The following ERCC6 variants were observed in gnomAD, a reference collection of about 807,000 sequenced individuals.
ERCC6 encodes the protein DNA excision repair protein ERCC-6.
A neutral mutation model predicts 158.7 loss-of-function variants in ERCC6; 116 were observed. The observed-to-expected ratio is 0.73, with a 90% confidence interval of 0.63 to 0.85. ERCC6 has a LOEUF of 0.85. Among genes scored for constraint, ERCC6 ranks in the 40% least tolerant of loss-of-function variants. ERCC6 has a pLI of 0.00. For synonymous variants in ERCC6, 678 were observed against 659.3 expected (o/e 1.03, Z -0.43); for missense variants, 1,698 against 1,799.4 (o/e 0.94, Z 1.02).
chr10:49,533,404 A>G (rs1366234009), intron 1 of ERCC6, among the ~76,000 whole-genome samples: 2 of 152,238 alleles, frequency 1.3e-5, no homozygotes, highest in Non-Finnish European at 2.9e-5. Flanking sequence ...ATGTTAGGAA[A>G]GAGCTTCTGT....
At chr10:49,534,339 A>C (rs1837546825) in intron 1 of ERCC6, among the ~76,000 whole-genome samples, 1 of 152,242 alleles carries the variant, frequency 6.6e-6, no homozygotes, top group Non-Finnish European at 1.5e-5. Context: ...ATTAAATTAA[A>C]GGCACATGAC....
chr10:49,478,568 G>T (rs1011855645), intron 10 of ERCC6, 98 bp from the exon 11 acceptor site: 1 of 765,168 alleles, frequency 1.3e-6, no homozygotes, highest in Non-Finnish European at 2.3e-6. Flanking sequence ...AAAAAAAAAA[G>T]AATAACCAAC....
rs766226106 is a variant in ERCC6 at position 49,470,898 on chromosome 10, A to G, written c.3071-9T>C. The G allele has an allele frequency of 6.2e-7, 1 of 1,613,680 alleles. No individual in the cohort carries two copies. The highest frequency in any genetic ancestry group is 1.7e-5 in the Admixed American group (1 of 59,990). On this transcript the variant is annotated splice_polypyrimidine_tract_variant and intron_variant, in intron 17 of 20. Coordinates refer to ENST00000355832, the MANE Select transcript of ERCC6 (RefSeq NM_000124.4). Reference sequence around the variant, plus strand: ...AACATCTGATCCAGTTCCTGTAAAGAGGAAAAACACCACTAATACTATATT... The same window carrying G: ...AACATCTGATCCAGTTCCTGTAAAGGGGAAAAACACCACTAATACTATATT...
chr10:49,465,109 C>T (rs773516420), intron 18 of ERCC6, among the ~76,000 whole-genome samples: 4 of 152,226 alleles, frequency 2.6e-5, no homozygotes, highest in Non-Finnish European at 4.4e-5. Flanking sequence ...AGGAGGGGGG[C>T]TATACCCTGC....
At chr10:49,460,306 G>A (rs1850554552) in intron 20 of ERCC6, 67 bp downstream of exon 20, 4 of 1,125,444 alleles carry the variant, frequency 3.6e-6, no homozygotes, top group Non-Finnish European at 1.4e-6. Flanking sequence ...CCAGAATCAG[G>A]TGAAATTTTC....
At chr10:49,503,794 T>C (rs143334264) in intron 6 of ERCC6, 161 of 152,288 alleles carry the variant, frequency 1.1e-3, no homozygotes, top group African/African-American at 3.5e-3. Flanking sequence ...CAGTTAAAGA[T>C]TTTTATGAAT....
chr10:49,465,400 T>C (rs1850657124), intron 18 of ERCC6, among the ~76,000 whole-genome samples: 1 of 152,250 alleles, frequency 6.6e-6, no homozygotes, highest in Admixed American at 6.5e-5. Context: ...GAGACTTGCC[T>C]GGTCTTGGAT....
downstream of ERCC6, among the ~76,000 whole-genome samples, chr10:49,451,709 A>AT (rs1850421918): frequency 6.6e-6 from 1 of 152,160 alleles, no homozygotes; most frequent in African/African-American, 2.4e-5. Flanking sequence ...CATAAGACAT[A>AT]TTGGTCTGCA....
chr10:49,495,162 C>T (rs1251074109), intron 7 of ERCC6, among the ~76,000 whole-genome samples: 2 of 152,116 alleles, frequency 1.3e-5, no homozygotes, highest in Non-Finnish European at 2.9e-5. Flanking sequence ...TTACTGTAGC[C>T]CATTAACCTT....
At chr10:49,461,964 A>AT (rs1850591136) in intron 18 of ERCC6, among the ~76,000 whole-genome samples, 2 of 152,244 alleles carry the variant, frequency 1.3e-5, no homozygotes, top group South Asian at 4.1e-4. Context: ...GAATGACTCA[A>AT]TAACCATTTT....
chr10:49,523,231 C>T (rs1837218400), intron 5 of ERCC6, among the ~76,000 whole-genome samples: 1 of 152,130 alleles, frequency 6.6e-6, no homozygotes, highest in African/African-American at 2.4e-5. Context: ...AGCTCTAAGT[C>T]AAGGAGACTT....
Position 49,524,247 on chromosome 10 carries a change from G to A in ERCC6, c.1183C>T (p.Leu395=), listed in dbSNP as rs767647833. ...TCATAGTCAGTACCATCTCCAGACA[G>A]GTCCGCCTCTGCCCCCTCCACCTCG... The part of the protein sequence containing the change: ...DDEVEGAEAD[L]SGDGTDYELK... The change falls in exon 5 of 21, where the codon CTG becomes TTG. Residue 395 remains leucine, a synonymous_variant. Coordinates refer to ENST00000355832, the MANE Select transcript of ERCC6 (RefSeq NM_000124.4). 6.2e-7 allele frequency: 1 copy of A among 1,614,064 alleles called. No individual in the cohort carries two copies.
intron 7 of ERCC6, among the ~76,000 whole-genome samples, chr10:49,496,900 C>A (rs946538089): frequency 2.0e-5 from 3 of 152,214 alleles, no homozygotes; most frequent in Non-Finnish European, 4.4e-5. Flanking sequence ...TCATCTACTA[C>A]ACAACTGAAA....
chr10:49,455,096 T>C lies in ERCC6; in HGVS notation c.*3719A>G, dbSNP rs1417355650. On this transcript the variant is annotated 3_prime_UTR_variant, in exon 21 of 21. Coordinates refer to ENST00000355832, the MANE Select transcript of ERCC6 (RefSeq NM_000124.4). ...TTTTAAAACTTCCGTATGATAAACA[T>C]CACAAAATAGATATGTGAATATGCT... Among the ~76,000 whole-genome samples the C allele has an allele frequency of 6.6e-6, 1 of 152,074 alleles. No homozygotes were observed. The highest frequency in any genetic ancestry group is 1.5e-5 in the Non-Finnish European group (1 of 68,012).
rs925891924 is a variant in ERCC6 at position 49,460,366 on chromosome 10, A to G, written c.4062+7T>C. ...ACCCTGGAAAGCAAAAAGGTTATCT[A>G]TATTACCTGGCACTTCTCTGTTGGA... On this transcript the variant is annotated splice_region_variant and intron_variant, in intron 20 of 20. Coordinates refer to ENST00000355832, the MANE Select transcript of ERCC6 (RefSeq NM_000124.4). 12 of 1,603,778 alleles carry G rather than the reference A, an allele frequency of 7.5e-6. No homozygotes were observed. The highest frequency in any genetic ancestry group is 2.2e-5 in the East Asian group (1 of 44,854).
Position 49,472,277 on chromosome 10 carries a change from T to C in ERCC6, c.2924+99A>G. 6.7e-6 allele frequency: 7 copies of C among 1,041,384 alleles called. No individual in the cohort carries two copies. The South Asian group carries it at 8.8e-5, about 13-fold the overall frequency. The allele number at this position is 1,041,384 out of a possible 1,614,324, so 64.5% of individuals were successfully genotyped here. A position where few individuals can be genotyped will look rare whatever the true frequency, so the allele number is the denominator to read the frequency against. On this transcript the variant is annotated intron_variant, in intron 16 of 20. Coordinates refer to ENST00000355832, the MANE Select transcript of ERCC6 (RefSeq NM_000124.4). ...AAGCCTTAAGTTATAGCAACTATTA[T>C]TCTAAGATGTTAAGACTTTTAAAAA...
chr10:49,485,079 C>T (rs191491251), intron 8 of ERCC6, among the ~76,000 whole-genome samples: 1 of 152,290 alleles, frequency 6.6e-6, no homozygotes, highest in Admixed American at 6.5e-5. Context: ...GTGGTGCAGT[C>T]GTGGACAAAG....
At chr10:49,512,049 A>C (rs1433695750) in intron 5 of ERCC6, among the ~76,000 whole-genome samples, 1 of 152,226 alleles carries the variant, frequency 6.6e-6, no homozygotes, top group African/African-American at 2.4e-5. Context: ...CAGATTACAC[A>C]AAAAGATTGA....
At position 49,471,087 on chromosome 10, in the gene ERCC6, C is replaced by T. The variant is rs369441175; in HGVS notation, c.2958G>A (p.Val986=). 13 of 1,613,952 alleles carry T rather than the reference C, an allele frequency of 8.1e-6. No homozygotes were observed. In the African/African-American group the frequency reaches 1.6e-4, roughly 20 times the overall value. ...QIFKQFLTNR[V]LKDPKQRRFF... The stretch of plus-strand genomic sequence containing the variant: ...ACCGCCTTTGTTTTGGGTCTTTTAG[C>T]ACTCTATTTGTCAAAAACTGCTTGA... Residue 986 remains valine (V), a synonymous_variant, in exon 17 of 21, where the codon GTG becomes GTA. Coordinates refer to ENST00000355832, the MANE Select transcript of ERCC6 (RefSeq NM_000124.4).
Sources: gnomAD v4.1 joint callset for allele counts (sites outside exome capture counted in the v4.1 genomes callset) on GRCh38, gnomAD v4.1.1 for gene constraint, MANE v1.5 for transcripts, NCBI Gene and HGNC (gene_info 2026-07-23, HGNC 2026-07-21) for gene names.